Variants in GLT8D2 observed in about 807,000 individuals in gnomAD.
The protein encoded by GLT8D2 is glycosyltransferase 8 domain-containing protein 2.
Under a neutral mutation model 44.5 loss-of-function variants are expected in GLT8D2, and 45 were observed. The ratio of observed to expected loss-of-function variants is 1.01; its 90% CI spans 0.80 to 1.30. The LOEUF (loss-of-function observed/expected upper bound fraction) is 1.30, where lower values mean the gene tolerates loss of function less well. GLT8D2 is among the 50% of genes most tolerant of loss of function. The probability of loss-of-function intolerance (pLI) is 0.00; values close to 1 mark genes in which losing one functional copy is unlikely to be tolerated. For synonymous variants in GLT8D2, 156 were observed against 157.2 expected, an observed-to-expected ratio of 0.99 and a Z score of 0.06; for missense variants, 400 against 430.4, an observed-to-expected ratio of 0.93 and a Z score of 0.62.
intron 10 of GLT8D2, among the ~76,000 whole-genome samples, chr12:103,989,845 T>TA (rs1355930308): frequency 6.6e-6 from 1 of 150,966 alleles, no homozygotes; most frequent in Non-Finnish European, 1.5e-5. Context: ...ACCTTGCCTT[T>TA]AAAAAAAAAT....
chr12:104,039,775 A>G (rs573275428), intron 1 of GLT8D2, among the ~76,000 whole-genome samples: 1 of 152,334 alleles, frequency 6.6e-6, no homozygotes, highest in South Asian at 2.1e-4. Flanking sequence ...ATACCATTTG[A>G]CCCAGCCATC....
intron 1 of GLT8D2, among the ~76,000 whole-genome samples, chr12:104,048,258 T>C (rs1165966207): frequency 6.6e-6 from 1 of 152,098 alleles, no homozygotes; most frequent in Non-Finnish European, 1.5e-5. Context: ...CTCCTAGAAA[T>C]GTTAACCTAC....
At chr12:104,038,588 G>A (rs1325552835) in intron 1 of GLT8D2, among the ~76,000 whole-genome samples, 2 of 152,246 alleles carry the variant, frequency 1.3e-5, no homozygotes, top group Middle Eastern at 3.4e-3. Context: ...CAACTTACAA[G>A]GGATGTGAAG....
intron 4 of GLT8D2, among the ~76,000 whole-genome samples, chr12:104,014,612 A>G (rs551962527): frequency 6.6e-6 from 1 of 152,252 alleles, no homozygotes; most frequent in East Asian, 1.9e-4. Context: ...TGGTTTCCAT[A>G]AGCAAAGTCA....
At chr12:103,992,316 A>G (rs903315300) in intron 10 of GLT8D2, among the ~76,000 whole-genome samples, 1 of 152,230 alleles carries the variant, frequency 6.6e-6, no homozygotes, top group African/African-American at 2.4e-5. Context: ...TACAGAGTCA[A>G]CTGCTTTTTA....
chr12:104,003,176 C>A lies in GLT8D2; in HGVS notation c.243G>T (p.Leu81Phe), dbSNP rs949545528. 6.2e-7 allele frequency: 1 copy of A among 1,614,018 alleles called. No individual in the cohort carries two copies. Among genetic ancestry groups the A allele is most frequent in the African/African-American group, 1.3e-5 (1 of 74,926 alleles). The change falls in exon 5 of 11, where the codon TTG becomes TTT. Residue 81 changes from leucine to phenylalanine, a missense_variant. Leu to Phe is a conservative substitution (Grantham distance 22, BLOSUM62 0). Coordinates refer to ENST00000360814, the MANE Select transcript of GLT8D2 (RefSeq NM_001384711.1). ...SIYSNTDANI[L>F]FYVVGLRNTL... The stretch of plus-strand genomic sequence containing the variant: ...TATTCCGGAGTCCCACTACATAGAA[C>A]AAGATGTTGGCGTCAGTGTTGCTGT...
intron 1 of GLT8D2, among the ~76,000 whole-genome samples, chr12:104,055,417 G>A (rs952108788): frequency 6.6e-6 from 1 of 152,146 alleles, no homozygotes; most frequent in Admixed American, 6.5e-5. Context: ...TCTGCAGCCT[G>A]GCATATGCTA....
upstream of GLT8D2, chr12:104,064,417 C>T (rs1156817330): frequency 1.4e-6 from 1 of 737,544 alleles, no homozygotes; most frequent in African/African-American, 1.9e-5. This position sits in a 1 kb window ranked among gnomAD's most constrained non-coding sequence, Gnocchi z 7.3. Context: ...CGTCTCTCCA[C>T]TGCCCGCGGG....
Position 103,989,678 on chromosome 12 carries a change from T to A in GLT8D2, c.881-101A>T, listed in dbSNP as rs949162749. 7 of 1,082,012 alleles carry A rather than the reference T, an allele frequency of 6.5e-6. No individual in the cohort carries two copies. The African/African-American group carries it at 9.6e-5, about 15-fold the overall frequency. 67.0% of individuals were successfully genotyped at this position (1,082,012 alleles called of 1,614,324 possible). Reference sequence around the variant, plus strand: ...CATAGTTTAAAAAAAGGTAAACAAATAAAAAGGTTATACAGTGAATTTTCT... The same window carrying A: ...CATAGTTTAAAAAAAGGTAAACAAAAAAAAAGGTTATACAGTGAATTTTCT... On this transcript the variant is annotated intron_variant, in intron 10 of 10. Coordinates refer to ENST00000360814, the MANE Select transcript of GLT8D2 (RefSeq NM_001384711.1).
At chr12:104,012,608 C>CA (rs1374797495) in intron 4 of GLT8D2, 5 of 457,160 alleles carry the variant, frequency 1.1e-5, no homozygotes, top group African/African-American at 1.0e-4. Context: ...GTTCAGATGA[C>CA]ATTTGTCTTT....
At chr12:103,990,078 AATATATATATATATATATATATATAT>A (rs57178471) in intron 10 of GLT8D2, among the ~76,000 whole-genome samples, 22,443 of 122,284 alleles carry the variant, frequency 0.18, 2,389 homozygotes, top group Middle Eastern at 0.26. Flanking sequence ...TATGTGTACA[AATATATATATATATATATATATATAT>A]ATATATATAT....
At chr12:103,997,914 TACACACACACACACAC>T (rs59719067) in intron 6 of GLT8D2, among the ~76,000 whole-genome samples, 55 of 146,154 alleles carry the variant, frequency 3.8e-4, no homozygotes, top group African/African-American at 9.3e-4. Context: ...CAGCCTTAAA[TACACACACACACACAC>T]ACACACACAC....
chr12:104,042,263 C>G (rs1880641644), intron 1 of GLT8D2, among the ~76,000 whole-genome samples: 1 of 152,180 alleles, frequency 6.6e-6, no homozygotes, highest in African/African-American at 2.4e-5. Flanking sequence ...GTCAACTCCC[C>G]CTTCCTCCTG....
intron 5 of GLT8D2, among the ~76,000 whole-genome samples, chr12:104,001,682 CTTTA>C (rs567362806): frequency 5.9e-5 from 9 of 151,756 alleles, no homozygotes; most frequent in Admixed American, 3.9e-4. Context: ...CACAGAAAAA[CTTTA>C]TTTATTTATT....
At chr12:104,016,711 GAAAGAAAGAAAGAAA>G (rs1876691305) in intron 3 of GLT8D2, among the ~76,000 whole-genome samples, 1 of 30,640 alleles carries the variant, frequency 3.3e-5, no homozygotes, top group South Asian at 1.2e-3. Context: ...AAGGGAGAGA[GAAAGAAAGAAAGAAA>G]GAAAGAAAGA....
intron 1 of GLT8D2, among the ~76,000 whole-genome samples, chr12:104,038,602 C>G (rs955502297): frequency 6.6e-6 from 1 of 152,142 alleles, no homozygotes; most frequent in African/African-American, 2.4e-5. Flanking sequence ...TGTGAAGGAT[C>G]TCTTCAAGGA....
chr12:104,047,530 T>C (rs889595061), intron 1 of GLT8D2, among the ~76,000 whole-genome samples: 3 of 152,054 alleles, frequency 2.0e-5, no homozygotes, highest in African/African-American at 7.2e-5. Flanking sequence ...GGTCTCAAAC[T>C]CCCGACCTCA....
intron 4 of GLT8D2, among the ~76,000 whole-genome samples, chr12:104,005,460 A>T (rs1874861565): frequency 6.6e-6 from 1 of 152,228 alleles, no homozygotes; most frequent in Non-Finnish European, 1.5e-5. Flanking sequence ...ACAGAATGGG[A>T]GAAAATTTTT....
chr12:104,022,545 T>C (rs1878036312), intron 1 of GLT8D2, among the ~76,000 whole-genome samples: 1 of 152,176 alleles, frequency 6.6e-6, no homozygotes, highest in African/African-American at 2.4e-5. Flanking sequence ...TTTCAGTTGA[T>C]AGTCTTACAG....
Sources: allele counts gnomAD v4.1 joint callset (sites outside exome capture counted in the v4.1 genomes callset), GRCh38; gene constraint gnomAD v4.1.1; non-coding constraint Gnocchi (gnomAD v3.1); transcripts MANE v1.5; gene names NCBI Gene and HGNC (gene_info 2026-07-23, HGNC 2026-07-21).